Variants in MTMR8 observed in about 807,000 individuals in gnomAD.
The protein encoded by MTMR8 is myotubularin related protein 8.
In MTMR8, 65 loss-of-function variants were observed where a neutral mutation model predicts 39.3. That is an observed-to-expected ratio of 1.65 (90% CI 1.35 to 2.03). The LOEUF (loss-of-function observed/expected upper bound fraction) is 2.03, where lower values mean the gene tolerates loss of function less well. MTMR8 is among the 30% of genes most tolerant of loss of function. The pLI, the probability that MTMR8 is intolerant of heterozygous loss-of-function variation, is 0.00. For missense variants in MTMR8, 777 were observed against 538.9 expected (o/e 1.44, Z -4.37); for synonymous variants, 245 against 185.2 (o/e 1.32, Z -2.62).
At chrX:64,326,758 AAAG>A (rs1315797917) in intron 12 of MTMR8, among the ~76,000 whole-genome samples, 1 of 111,400 alleles carries the variant, frequency 9.0e-6, no homozygotes, top group African/African-American at 3.3e-5. Context: ...GGGAAAAAAA[AAAG>A]AAGAAAGAAA....
intron 12 of MTMR8, among the ~76,000 whole-genome samples, chrX:64,273,181 G>A: frequency 8.9e-6 from 1 of 111,872 alleles, no homozygotes; most frequent in South Asian, 3.7e-4. Context: ...TACTGTAATG[G>A]TTGTGGGTAA....
At chrX:64,374,822 C>T (rs1924222655) in intron 1 of MTMR8, among the ~76,000 whole-genome samples, 1 of 109,991 alleles carries the variant, frequency 9.1e-6, no homozygotes, top group African/African-American at 3.3e-5. Flanking sequence ...GTCCTTATAA[C>T]AGACAGAGAG....
chrX:64,351,173 A>G (rs186509386), intron 4 of MTMR8, among the ~76,000 whole-genome samples: 63 of 110,718 alleles, frequency 5.7e-4, no homozygotes, highest in Admixed American at 4.9e-3. Context: ...AGTATTTCAG[A>G]CCTTCTTTGG....
intron 12 of MTMR8, among the ~76,000 whole-genome samples, chrX:64,294,811 C>A (rs1386576408): frequency 9.0e-6 from 1 of 111,662 alleles, no homozygotes. Flanking sequence ...GCTTTGCCTT[C>A]TCTTAATGCC....
intron 2 of MTMR8, among the ~76,000 whole-genome samples, chrX:64,356,707 A>C (rs1019039378): frequency 1.8e-5 from 2 of 111,441 alleles, no homozygotes; most frequent in African/African-American, 6.5e-5. Context: ...TTCTTATATC[A>C]AATTACTAAT....
At chrX:64,340,586 A>T (rs1017336909) in intron 8 of MTMR8, among the ~76,000 whole-genome samples, 3 of 111,600 alleles carry the variant, frequency 2.7e-5, no homozygotes, top group African/African-American at 6.5e-5. Flanking sequence ...TACAAGAAAA[A>T]ATCGTATTCC....
At position 64,270,986 on chromosome X, in the gene MTMR8, C is replaced by G; in HGVS notation, c.1569G>C (p.Gln523His). The G allele has an allele frequency of 8.3e-7, 1 of 1,210,777 alleles. No individual in the cohort carries two copies. Among genetic ancestry groups the G allele is most frequent in the Non-Finnish European group, 1.1e-6 (1 of 895,089 alleles). ...MLESLLEIKK[Q>H]RAMLETDVHE... ...GCACATCTGTCTCCAGCATTGCTCT[C>G]TGTTTCTTAATTTCCAGGAGGCTCT... The change falls in exon 13 of 14, where the codon CAG (glutamine) becomes CAC (histidine). Residue 523 changes from glutamine (Q) to histidine (H), a missense_variant. Physicochemically the swap from Gln to His is conservative, Grantham distance 24 (BLOSUM62 0). Transcript: ENST00000374852.
In MTMR8 at chrX:64,336,123, C is replaced by T. The variant is rs201031558; in HGVS notation, c.1107G>A (p.Leu369=). The change falls in exon 10 of 14, where the codon TTG becomes TTA. Residue 369 remains leucine, a synonymous_variant. Coordinates refer to ENST00000374852, the MANE Select transcript of MTMR8 (RefSeq NM_017677.4). The part of the protein sequence containing the change: ...FYRTFKGLMI[L]IEKEWISMGH... ...CCATGGATATCCATTCCTTCTCTATCAAGATCTTCATTTTATAGAAAAGAA... is the reference window on the plus strand; with the variant it reads ...CCATGGATATCCATTCCTTCTCTATTAAGATCTTCATTTTATAGAAAAGAA... The T allele has an allele frequency of 4.2e-5, 49 of 1,178,937 alleles. No individual in the cohort carries two copies. Among genetic ancestry groups the T allele is most frequent in the South Asian group, 2.8e-4 (15 of 52,633 alleles).
rs192934228 is a variant in MTMR8 at position 64,273,482 on chromosome X, C to T, written c.1482-2409G>A. On this transcript the variant is annotated intron_variant, in intron 12 of 13. Coordinates refer to ENST00000374852, the MANE Select transcript of MTMR8 (RefSeq NM_017677.4). The stretch of plus-strand genomic sequence containing the variant: ...AAAGCATACTAATATAAAAACTAAA[C>T]AAACAAACAAACAAAAAAAACAAAA... Among the ~76,000 whole-genome samples, 167 of 105,703 alleles carry T rather than the reference C, an allele frequency of 1.6e-3. No homozygotes were observed. The South Asian group carries it at 0.025, about 16-fold the overall frequency. The allele number at this position is 105,703 out of a possible 115,157, so 91.8% of individuals were successfully genotyped here. A position where few individuals can be genotyped will look rare whatever the true frequency, so the allele number is the denominator to read the frequency against.
At chrX:64,321,365 C>A (rs1156362167) in intron 12 of MTMR8, among the ~76,000 whole-genome samples, 2 of 111,588 alleles carry the variant, frequency 1.8e-5, no homozygotes, top group Non-Finnish European at 3.8e-5. Context: ...AAATAGATAG[C>A]ATCAATAAAG....
At chrX:64,371,208 TATAA>T (rs776957766) in intron 1 of MTMR8, among the ~76,000 whole-genome samples, 1 of 111,845 alleles carries the variant, frequency 8.9e-6, no homozygotes, top group South Asian at 3.7e-4. Context: ...TCTTGTAAAG[TATAA>T]ATAGCTTATT....
intron 12 of MTMR8, among the ~76,000 whole-genome samples, chrX:64,273,471 T>C (rs1189426766): frequency 9.8e-6 from 1 of 101,702 alleles, no homozygotes; most frequent in East Asian, 3.1e-4. Flanking sequence ...CATACTAATA[T>C]AAAAACTAAA....
At chrX:64,375,434 A>C (rs1924244172) in intron 1 of MTMR8, among the ~76,000 whole-genome samples, 1 of 111,923 alleles carries the variant, frequency 8.9e-6, no homozygotes, top group Admixed American at 9.5e-5. Flanking sequence ...TACATATATT[A>C]ATATAAGACA....
chrX:64,272,060 T>C (rs1402524941), intron 12 of MTMR8, among the ~76,000 whole-genome samples: 1 of 111,678 alleles, frequency 9.0e-6, no homozygotes, highest in Non-Finnish European at 1.9e-5. Flanking sequence ...GACAATGGGT[T>C]GAAAGGCCCA....
At chrX:64,347,201 G>A (rs1308109266) in intron 6 of MTMR8, among the ~76,000 whole-genome samples, 10 of 110,624 alleles carry the variant, frequency 9.0e-5, no homozygotes, top group Non-Finnish European at 1.9e-5. Flanking sequence ...TTCTAGGCCT[G>A]TCTTAATTTG....
chrX:64,277,602 G>A (rs769283018), intron 12 of MTMR8, among the ~76,000 whole-genome samples: 1 of 112,230 alleles, frequency 8.9e-6, no homozygotes, highest in South Asian at 3.8e-4. Flanking sequence ...TTTCTGCAGA[G>A]AGATCTGCTG....
chrX:64,374,649 G>C (rs745372651), intron 1 of MTMR8, among the ~76,000 whole-genome samples: 1 of 111,599 alleles, frequency 9.0e-6, no homozygotes, highest in African/African-American at 3.3e-5. Flanking sequence ...ACCTATAGTA[G>C]GTTGAATGGC....
intron 12 of MTMR8, among the ~76,000 whole-genome samples, chrX:64,323,710 TA>T (rs765775862): frequency 7.4e-4 from 80 of 107,580 alleles, no homozygotes; most frequent in African/African-American, 2.9e-3. Flanking sequence ...ATTTCCAGTA[TA>T]TTTTTTTTTA....
Position 64,366,788 on chromosome X carries a change from A to T in MTMR8, c.25-7261T>A, listed in dbSNP as rs776567040. ...GAACCGAAGGAGATAGAGACAAAAA[A>T]AACTTCAAAAAAATCAATGAATCCA... is the stretch of plus-strand genomic sequence containing the variant. On this transcript the variant is annotated intron_variant, in intron 1 of 13. Coordinates refer to ENST00000374852, the MANE Select transcript of MTMR8 (RefSeq NM_017677.4). Among the ~76,000 whole-genome samples, 4 of 111,996 alleles carry T rather than the reference A, an allele frequency of 3.6e-5. No individual in the cohort carries two copies. The South Asian group carries it at 1.1e-3, about 31-fold the overall frequency.
Sources: allele counts gnomAD v4.1 joint callset (sites outside exome capture counted in the v4.1 genomes callset), GRCh38; gene constraint gnomAD v4.1.1; transcripts MANE v1.5; gene names NCBI Gene and HGNC (gene_info 2026-07-23, HGNC 2026-07-21).